The following ASIC2 variants were observed in gnomAD, a reference collection of about 807,000 sequenced individuals.
ASIC2 encodes the protein acid sensing ion channel subunit 2.
Under a neutral mutation model 57.3 loss-of-function variants are expected in ASIC2, and 25 were observed. The observed-to-expected ratio is 0.44, with a 90% CI of 0.32 to 0.61. ASIC2 has a LOEUF of 0.61. Among genes scored for constraint, ASIC2 ranks in the 20% least tolerant of loss-of-function variants. The pLI, the probability that ASIC2 is intolerant of heterozygous loss-of-function variation, is 0.06. For missense variants in ASIC2, 641 were observed against 738.1 expected, an observed-to-expected ratio of 0.87 and a Z score of 1.52; for synonymous variants, 319 against 307.5, an observed-to-expected ratio of 1.04 and a Z score of -0.39.
intron 1 of ASIC2, among the ~76,000 whole-genome samples, chr17:33,943,283 C>T (rs894980220): frequency 2.0e-5 from 3 of 152,156 alleles, no homozygotes; most frequent in African/African-American, 4.8e-5. Context: ...ATGGAGAAAC[C>T]GCAGAATGAG....
chr17:33,123,299 C>T (rs928819137), intron 1 of ASIC2, among the ~76,000 whole-genome samples: 1 of 152,162 alleles, frequency 6.6e-6, no homozygotes, highest in Non-Finnish European at 1.5e-5. Flanking sequence ...CAATGAAATA[C>T]TATTCAGCCT....
At chr17:33,634,046 A>G (rs570183583) in intron 1 of ASIC2, among the ~76,000 whole-genome samples, 43 of 152,278 alleles carry the variant, frequency 2.8e-4, no homozygotes, top group African/African-American at 9.6e-4. Flanking sequence ...GGGTGCTGCT[A>G]GACCACAGCT....
intron 1 of ASIC2, among the ~76,000 whole-genome samples, chr17:33,652,219 G>T (rs1055543069): frequency 6.6e-6 from 1 of 152,192 alleles, no homozygotes; most frequent in South Asian, 2.1e-4. Context: ...CTTTCTGTAA[G>T]TGCCCCAGGT....
chr17:33,932,713 C>CAAAGAAA (rs1567760132), intron 1 of ASIC2: 1 of 44,076 alleles, frequency 2.3e-5, no homozygotes, highest in Non-Finnish European at 3.7e-5. Context: ...AACTTTGTTT[C>CAAAGAAA]AAAAAAAAAA....
chr17:34,103,945 A>C (rs148371270), intron 1 of ASIC2, among the ~76,000 whole-genome samples: 39 of 152,232 alleles, frequency 2.6e-4, no homozygotes, highest in African/African-American at 9.4e-4. Flanking sequence ...GGTCATATGC[A>C]TTTCCATATA....
chr17:33,174,418 C>CAA (rs545016244), intron 1 of ASIC2, among the ~76,000 whole-genome samples: 2,789 of 122,030 alleles, frequency 0.023, 86 homozygotes, highest in African/African-American at 0.085. Flanking sequence ...AAGACTCCAT[C>CAA]AAAAAAAAAA....
chr17:33,544,897 C>G (rs1915532403), intron 1 of ASIC2, among the ~76,000 whole-genome samples: 1 of 151,848 alleles, frequency 6.6e-6, no homozygotes, highest in Non-Finnish European at 1.5e-5. Flanking sequence ...CCGGAGTTTC[C>G]CTGTGTGCCA....
At chr17:33,493,760 C>T (rs1214958452) in intron 1 of ASIC2, among the ~76,000 whole-genome samples, 1 of 152,188 alleles carries the variant, frequency 6.6e-6, no homozygotes, top group African/African-American at 2.4e-5. Flanking sequence ...TCTCCCCTCC[C>T]TCCACCCTGT....
intron 1 of ASIC2, among the ~76,000 whole-genome samples, chr17:33,151,612 G>C (rs1306764741): frequency 6.6e-6 from 1 of 152,176 alleles, no homozygotes; most frequent in East Asian, 1.9e-4. Context: ...CTGCTCTCAT[G>C]AATAAATTAA....
intron 1 of ASIC2, among the ~76,000 whole-genome samples, chr17:33,663,066 C>G (rs976229209): frequency 3.9e-5 from 6 of 152,190 alleles, no homozygotes; most frequent in Non-Finnish European, 7.3e-5. Flanking sequence ...CGCACACACA[C>G]TGACGGAGAA....
At chr17:34,041,469 A>G (rs1002506234) in intron 1 of ASIC2, 8 of 152,330 alleles carry the variant, frequency 5.3e-5, no homozygotes, top group African/African-American at 1.7e-4. Context: ...AGAAAGAATG[A>G]TAACTTTGAC....
At chr17:33,269,679 C>CTTCCTTCCTTCTTTCCTTTTT (rs1567805267) in intron 1 of ASIC2, among the ~76,000 whole-genome samples, 1 of 64,366 alleles carries the variant, frequency 1.6e-5, no homozygotes, top group Non-Finnish European at 3.4e-5. Flanking sequence ...TCCTTCCCTC[C>CTTCCTTCCTTCTTTCCTTTTT]CTCCCTCCTG....
At chr17:34,059,316 T>C (rs920893795) in intron 1 of ASIC2, among the ~76,000 whole-genome samples, 1 of 152,050 alleles carries the variant, frequency 6.6e-6, no homozygotes, top group Non-Finnish European at 1.5e-5. Flanking sequence ...CTGAGCAAAA[T>C]ACAGGGGTAG....
Position 33,157,917 on chromosome 17 carries a change from C to T in ASIC2, c.709-45850G>A, listed in dbSNP as rs537918234. ...ATCACCTACCACTTCTCCCCAGGGG[C>T]TCACACTGCTTTCCTGAAAGCTCTC... On this transcript the variant is annotated intron_variant, in intron 1 of 9. Transcript: ENST00000225823. 5.3e-5 allele frequency among the ~76,000 whole-genome samples: 8 copies of T among 152,344 alleles called. No homozygotes were observed. In the East Asian group the frequency reaches 1.2e-3, roughly 22 times the overall value.
chr17:33,379,661 T>C (rs1909407857), intron 1 of ASIC2, among the ~76,000 whole-genome samples: 1 of 152,216 alleles, frequency 6.6e-6, no homozygotes, highest in Non-Finnish European at 1.5e-5. Flanking sequence ...TTCCTAGGAA[T>C]GTGGCGAGGA....
At chr17:33,570,738 G>A (rs1032121732) in intron 1 of ASIC2, among the ~76,000 whole-genome samples, 1 of 152,146 alleles carries the variant, frequency 6.6e-6, no homozygotes, top group Non-Finnish European at 1.5e-5. Flanking sequence ...CAATTTAGGA[G>A]CTCCCTGGAT....
chr17:33,259,364 A>G (rs1482971329), intron 1 of ASIC2, among the ~76,000 whole-genome samples: 1 of 152,170 alleles, frequency 6.6e-6, no homozygotes, highest in African/African-American at 2.4e-5. Flanking sequence ...AAACCCTGTA[A>G]TTTATAACAG....
chr17:33,104,948 A>G (rs980319965), intron 2 of ASIC2, among the ~76,000 whole-genome samples: 10 of 152,270 alleles, frequency 6.6e-5, no homozygotes, highest in African/African-American at 1.9e-4. Flanking sequence ...GGGAAGGTTC[A>G]TGGCACAGAG....
At chr17:33,418,520 T>C (rs1261141569) in intron 1 of ASIC2, among the ~76,000 whole-genome samples, 1 of 152,232 alleles carries the variant, frequency 6.6e-6, no homozygotes, top group Non-Finnish European at 1.5e-5. Context: ...TTTAAGTCTT[T>C]AATCCATCTT....
Sources: allele counts gnomAD v4.1 joint callset (sites outside exome capture counted in the v4.1 genomes callset), GRCh38; gene constraint gnomAD v4.1.1; transcripts MANE v1.5; gene names NCBI Gene and HGNC (gene_info 2026-07-23, HGNC 2026-07-21).